The following VPS37A variants were observed in gnomAD, a reference collection of about 807,000 sequenced individuals.
The protein encoded by VPS37A is VPS37A subunit of ESCRT-I, also known as vacuolar protein sorting-associated protein 37A.
Under a neutral mutation model 49.8 loss-of-function variants are expected in VPS37A, and 30 were observed. That is an observed-to-expected ratio of 0.60 (90% CI 0.45 to 0.82). The LOEUF (loss-of-function observed/expected upper bound fraction) is 0.82, where lower values mean the gene tolerates loss of function less well. VPS37A is among the 40% of genes least tolerant of loss of function. VPS37A has a pLI of 0.00. For synonymous variants in VPS37A, 195 were observed against 160.6 expected (o/e 1.21, Z -1.62); for missense variants, 593 against 464.4 (o/e 1.28, Z -2.55).
chr8:17,294,097 T>C (rs905096676), intron 11 of VPS37A, among the ~76,000 whole-genome samples: 4 of 152,174 alleles, frequency 2.6e-5, no homozygotes, highest in South Asian at 4.1e-4. Flanking sequence ...GATGGGAGTT[T>C]TATCTATAAG....
intron 10 of VPS37A, among the ~76,000 whole-genome samples, chr8:17,285,584 C>T (rs1048100675): frequency 2.6e-5 from 4 of 152,132 alleles, no homozygotes; most frequent in Non-Finnish European, 5.9e-5. Flanking sequence ...GACATACACA[C>T]ACACATACAC....
At chr8:17,301,183 A>G (rs947094605), downstream of VPS37A, among the ~76,000 whole-genome samples, 6 of 152,246 alleles carry the variant, frequency 3.9e-5, no homozygotes, top group Non-Finnish European at 8.8e-5. Context: ...GAAAAGAGAT[A>G]GATAAATACA....
At chr8:17,254,399 C>G (rs1563238165) in intron 1 of VPS37A, among the ~76,000 whole-genome samples, 1 of 152,120 alleles carries the variant, frequency 6.6e-6, no homozygotes, top group African/African-American at 2.4e-5. Flanking sequence ...CAGCAACAAG[C>G]TGGAAACAAG....
At chr8:17,323,950 C>T in the VPS37A span, among the ~76,000 whole-genome samples, 15 of 152,154 alleles carry the variant, frequency 9.9e-5, no homozygotes, top group Non-Finnish European at 2.2e-4. Flanking sequence ...AATCTTTGAA[C>T]TGTCTCAGTG....
At chr8:17,280,554 C>T in intron 9 of VPS37A, 111 bp downstream of exon 9, 2 of 954,576 alleles carry the variant, frequency 2.1e-6, no homozygotes, top group South Asian at 1.9e-5. Context: ...AGGTATCTGA[C>T]CTTATAAGAC....
intron 11 of VPS37A, among the ~76,000 whole-genome samples, chr8:17,286,941 GTAAT>G (rs1230596797): frequency 2.0e-5 from 3 of 152,188 alleles, no homozygotes; most frequent in Non-Finnish European, 4.4e-5. Flanking sequence ...TCCAGAACCT[GTAAT>G]TAATCGCTAG....
chr8:17,255,182 A>G (rs745355865), intron 1 of VPS37A, among the ~76,000 whole-genome samples: 3 of 152,216 alleles, frequency 2.0e-5, no homozygotes, highest in Non-Finnish European at 2.9e-5. Context: ...AATACAAAAT[A>G]TAAACTAAGT....
chr8:17,320,881 C>A, the VPS37A span, among the ~76,000 whole-genome samples: 2 of 152,326 alleles, frequency 1.3e-5, no homozygotes, highest in South Asian at 4.1e-4. Flanking sequence ...TCTGTCCAAC[C>A]CCAGGCCATG....
intron 1 of VPS37A, among the ~76,000 whole-genome samples, chr8:17,255,278 C>G (rs562554744): frequency 2.3e-4 from 35 of 152,120 alleles, no homozygotes; most frequent in Non-Finnish European, 4.0e-4. Context: ...GTCAGGAGTT[C>G]GAGACCAGCC....
In VPS37A at chr8:17,295,256, T is replaced by A. The variant is rs368323468; in HGVS notation, c.*270T>A. The A allele has an allele frequency of 4.7e-3, 715 of 152,798 alleles. 10 individuals carry two copies. Among genetic ancestry groups the A allele is most frequent in the African/African-American group, 0.016 (669 of 41,588 alleles). 9.5% of individuals were successfully genotyped at this position (152,798 alleles called of 1,614,324 possible). ...AGTTCCACTGCTGTTCCTCTTACCT[T>A]GATTAAATGCCTATGCATGTACTTT... is the stretch of plus-strand genomic sequence containing the variant. On this transcript the variant is annotated 3_prime_UTR_variant, in exon 12 of 12. Transcript: ENST00000324849.
At chr8:17,303,646 G>C (rs376932096), downstream of VPS37A, among the ~76,000 whole-genome samples, 1 of 141,356 alleles carries the variant, frequency 7.1e-6, no homozygotes, top group Non-Finnish European at 1.5e-5. Flanking sequence ...TTTTGCTCTT[G>C]TTGCCCAGGC....
At chr8:17,251,184 C>G (rs1006810883) in intron 1 of VPS37A, among the ~76,000 whole-genome samples, 1 of 152,166 alleles carries the variant, frequency 6.6e-6, no homozygotes, top group Non-Finnish European at 1.5e-5. Flanking sequence ...CACCCTTCCC[C>G]CCAAGTTACT....
chr8:17,279,778 A>G (rs1015657879), intron 6 of VPS37A: 4 of 532,984 alleles, frequency 7.5e-6, no homozygotes, highest in Admixed American at 4.5e-5. Flanking sequence ...GAAAGTAGAT[A>G]TATCGATATA....
chr8:17,295,996 C>T lies in VPS37A; in HGVS notation c.*1010C>T, dbSNP rs146345518. 2 of 152,234 alleles carry T rather than the reference C, an allele frequency of 1.3e-5. No individual in the cohort carries two copies. Among genetic ancestry groups the T allele is most frequent in the Non-Finnish European group, 2.9e-5 (2 of 67,998 alleles). 9.4% of individuals were successfully genotyped at this position (152,234 alleles called of 1,614,324 possible). ...TGTATTTCTTGAGAAGCCCTAAAAG[C>T]TCATAAAGGAAAATGCCGTGAACTA... On this transcript the variant is annotated 3_prime_UTR_variant, in exon 12 of 12. Transcript: ENST00000324849.
chr8:17,286,278 C>A, intron 10 of VPS37A, 69 bp from the exon 11 acceptor site: 1 of 1,238,990 alleles, frequency 8.1e-7, no homozygotes, highest in South Asian at 1.3e-5. Context: ...TCCTGTCATA[C>A]TGTTGGAAGT....
At chr8:17,271,451 A>G (rs1173025360) in intron 4 of VPS37A, among the ~76,000 whole-genome samples, 1 of 152,130 alleles carries the variant, frequency 6.6e-6, no homozygotes, top group Non-Finnish European at 1.5e-5. Flanking sequence ...TAAAAATACA[A>G]AAAAGTTAGC....
chr8:17,280,663 A>G (rs1201852559), intron 9 of VPS37A, among the ~76,000 whole-genome samples: 2 of 152,012 alleles, frequency 1.3e-5, no homozygotes, highest in Non-Finnish European at 2.9e-5. Context: ...ACAGAAAATT[A>G]TGACAGGCCC....
At chr8:17,262,642 G>T (rs1585958732) in intron 1 of VPS37A, among the ~76,000 whole-genome samples, 1 of 151,540 alleles carries the variant, frequency 6.6e-6, no homozygotes, top group African/African-American at 2.4e-5. Context: ...TAAAGATATG[G>T]TTATAAGAAT....
intron 11 of VPS37A, 133 bp downstream of exon 11, chr8:17,286,560 G>C: frequency 1.5e-6 from 1 of 683,490 alleles, no homozygotes; most frequent in Non-Finnish European, 2.4e-6. Context: ...ATGTAACATA[G>C]AATGCTTTGT....
Sources: allele counts gnomAD v4.1 joint callset (sites outside exome capture counted in the v4.1 genomes callset), GRCh38; gene constraint gnomAD v4.1.1; transcripts MANE v1.5; gene names NCBI Gene and HGNC (gene_info 2026-07-23, HGNC 2026-07-21).